RARB: variants seen among roughly 807,000 people sequenced by gnomAD.
RARB encodes retinoic acid receptor beta, also known as HBV-activated protein.
Under a neutral mutation model 51.9 loss-of-function variants are expected in RARB, and 17 were observed. The ratio of observed to expected loss-of-function variants is 0.33; its 90% CI spans 0.22 to 0.49. The LOEUF is 0.49. Ranked by LOEUF, RARB falls within the 20% of genes least tolerant of loss-of-function variation. The pLI, the probability that RARB is intolerant of heterozygous loss-of-function variation, is 0.99. For missense variants in RARB, 369 were observed against 550.8 expected, an observed-to-expected ratio of 0.67 and a Z score of 3.30; for synonymous variants, 215 against 195.4, an observed-to-expected ratio of 1.10 and a Z score of -0.84.
At chr3:25,385,805 A>G (rs778227229) in intron 5 of RARB, among the ~76,000 whole-genome samples, 16 of 151,998 alleles carry the variant, frequency 1.1e-4, no homozygotes, top group Non-Finnish European at 1.0e-4. Flanking sequence ...GGGATTCTCT[A>G]TCTTGTATCT....
intron 1 of RARB, among the ~76,000 whole-genome samples, chr3:24,847,208 A>G (rs1702496106): frequency 6.6e-6 from 1 of 152,226 alleles, no homozygotes; most frequent in Non-Finnish European, 1.5e-5. Context: ...GTCTTTTGAC[A>G]TAGCTAAAGT....
At chr3:25,225,914 A>C (rs1000719612) in intron 5 of RARB, among the ~76,000 whole-genome samples, 1 of 152,200 alleles carries the variant, frequency 6.6e-6, no homozygotes, top group African/African-American at 2.4e-5. Context: ...TTGCGTTGCA[A>C]AGTTTGTTTG....
At chr3:25,289,258 T>C (rs971028296) in intron 5 of RARB, among the ~76,000 whole-genome samples, 2 of 152,212 alleles carry the variant, frequency 1.3e-5, no homozygotes, top group Admixed American at 6.5e-5. Context: ...CTCACGGGGA[T>C]GCTGTGAGGT....
intron 5 of RARB, among the ~76,000 whole-genome samples, chr3:25,237,533 A>G (rs1702332638): frequency 6.6e-6 from 1 of 152,190 alleles, no homozygotes; most frequent in African/African-American, 2.4e-5. Flanking sequence ...CTCCAAAAAT[A>G]TAATGTAAAA....
At chr3:24,989,336 G>T (rs1696862663) in intron 2 of RARB, among the ~76,000 whole-genome samples, 1 of 152,150 alleles carries the variant, frequency 6.6e-6, no homozygotes, top group South Asian at 2.1e-4. Context: ...TAATAGCCCT[G>T]GGTGCTGGAG....
chr3:25,426,796 C>T (rs1207132421), upstream of RARB, among the ~76,000 whole-genome samples: 1 of 152,196 alleles, frequency 6.6e-6, no homozygotes, highest in Non-Finnish European at 1.5e-5. Context: ...AAAATGGCTG[C>T]AGGGTAGATT....
At chr3:25,345,795 T>C (rs1266668428) in intron 5 of RARB, among the ~76,000 whole-genome samples, 2 of 152,172 alleles carry the variant, frequency 1.3e-5, no homozygotes, top group Non-Finnish European at 2.9e-5. Context: ...CTCAGAGTGA[T>C]TGTGCATGAA....
chr3:25,325,791 T>C (rs1013808282), intron 5 of RARB, among the ~76,000 whole-genome samples: 1 of 147,280 alleles, frequency 6.8e-6, no homozygotes, highest in Non-Finnish European at 1.5e-5. Flanking sequence ...TTGGGGGTTG[T>C]TGGGGGAAGC....
chr3:25,185,833 C>T (rs191612407), intron 5 of RARB, among the ~76,000 whole-genome samples: 27 of 152,140 alleles, frequency 1.8e-4, no homozygotes, highest in Admixed American at 9.2e-4. Flanking sequence ...TCAAAGAATT[C>T]GTATGCCACT....
intron 5 of RARB, among the ~76,000 whole-genome samples, chr3:25,333,392 T>A (rs1033695795): frequency 2.6e-5 from 4 of 152,180 alleles, no homozygotes; most frequent in Admixed American, 2.6e-4. Flanking sequence ...GACCATCTAG[T>A]CTTTGACAAA....
chr3:25,241,483 A>C (rs973027507), intron 5 of RARB, among the ~76,000 whole-genome samples: 4 of 152,034 alleles, frequency 2.6e-5, no homozygotes, highest in African/African-American at 9.7e-5. Flanking sequence ...CAACCCCCGG[A>C]CAGGCCCGGG....
At chr3:24,930,962 A>C (rs538559654) in intron 2 of RARB, among the ~76,000 whole-genome samples, 20 of 152,218 alleles carry the variant, frequency 1.3e-4, no homozygotes, top group African/African-American at 4.6e-4. Flanking sequence ...GCAGTTAGCT[A>C]TTATTGTGCC....
At chr3:24,950,593 A>G (rs968364351) in intron 2 of RARB, among the ~76,000 whole-genome samples, 4 of 152,166 alleles carry the variant, frequency 2.6e-5, no homozygotes, top group African/African-American at 9.7e-5. Context: ...AGAGGTGAAC[A>G]TAACGGAGCC....
intron 2 of RARB, among the ~76,000 whole-genome samples, chr3:25,477,557 A>G (rs1696013510): frequency 6.6e-6 from 1 of 152,248 alleles, no homozygotes. Flanking sequence ...AATTACTACA[A>G]GTACTTGCAT....
At chr3:25,166,078 C>G (rs1238351411) in intron 4 of RARB, among the ~76,000 whole-genome samples, 1 of 152,092 alleles carries the variant, frequency 6.6e-6, no homozygotes, top group East Asian at 1.9e-4. Context: ...TGGTCTAAGA[C>G]TCCTTTGACT....
At chr3:25,552,470 C>CG (rs1350737301) in intron 3 of RARB, among the ~76,000 whole-genome samples, 1 of 151,446 alleles carries the variant, frequency 6.6e-6, no homozygotes, top group African/African-American at 2.4e-5. Context: ...TGGTAAGGGG[C>CG]GGGGGGAACA....
chr3:24,890,061 A>G (rs1283418500), intron 2 of RARB, among the ~76,000 whole-genome samples: 3 of 152,170 alleles, frequency 2.0e-5, no homozygotes, highest in Non-Finnish European at 4.4e-5. Flanking sequence ...ATTACCAGAT[A>G]AAAATATTGA....
At chr3:25,111,505 C>A (rs1226379314) in intron 3 of RARB, among the ~76,000 whole-genome samples, 1 of 151,642 alleles carries the variant, frequency 6.6e-6, no homozygotes, top group Non-Finnish European at 1.5e-5. Context: ...AAGAGATGGT[C>A]CAAAAGAAAA....
chr3:25,224,794 C>T (rs889062195), intron 5 of RARB, among the ~76,000 whole-genome samples: 164 of 151,984 alleles, frequency 1.1e-3, no homozygotes, highest in African/African-American at 8.4e-4. Flanking sequence ...TTAGTAGAGA[C>T]GGGTTTTGCC....
Sources: gnomAD v4.1 joint callset for allele counts (sites outside exome capture counted in the v4.1 genomes callset) on GRCh38, gnomAD v4.1.1 for gene constraint, MANE v1.5 for transcripts, NCBI Gene and HGNC (gene_info 2026-07-23, HGNC 2026-07-21) for gene names.